Variants in MTMR14 observed in about 807,000 individuals in gnomAD.
MTMR14 encodes phosphatidylinositol-3,5-bisphosphate 3-phosphatase MTMR14.
MTMR14 carries 48 observed loss-of-function variants against 86.3 expected under a neutral mutation model. The observed-to-expected ratio is 0.56, with a 90% CI of 0.44 to 0.71. The LOEUF (loss-of-function observed/expected upper bound fraction) is 0.71, where lower values mean the gene tolerates loss of function less well. Ranked by LOEUF, MTMR14 falls within the 30% of genes least tolerant of loss-of-function variation. The pLI is 0.00. For synonymous variants in MTMR14, 366 were observed against 326.1 expected (o/e 1.12, Z -1.32); for missense variants, 780 against 834.6 (o/e 0.93, Z 0.81).
intron 9 of MTMR14, among the ~76,000 whole-genome samples, chr3:9,681,594 A>C (rs1378280848): frequency 2.0e-5 from 3 of 152,194 alleles, no homozygotes; most frequent in Non-Finnish European, 2.9e-5. Context: ...ATAGAAACAT[A>C]AGCAGAGGCA....
intron 7 of MTMR14, chr3:9,675,375 T>G: frequency 3.9e-6 from 1 of 254,202 alleles, no homozygotes; most frequent in Non-Finnish European, 8.0e-6. Flanking sequence ...AAATTACTAT[T>G]ACCCAAACCA....
At chr3:9,663,501 CTTTTTTTTTTTTTTTT>C (rs4021721) in intron 3 of MTMR14, among the ~76,000 whole-genome samples, 1 of 69,964 alleles carries the variant, frequency 1.4e-5, no homozygotes, top group East Asian at 5.1e-4. Context: ...GAGTCTCTCT[CTTTTTTTTTTTTTTTT>C]TTTTTTTTTT....
chr3:9,659,731 T>G (rs1278380746), intron 2 of MTMR14: 1 of 456,208 alleles, frequency 2.2e-6, no homozygotes, highest in Admixed American at 2.3e-5. Context: ...CATGAGCCAC[T>G]GTGCCTGGCC....
intron 18 of MTMR14, chr3:9,700,021 A>C (rs1430464366): frequency 6.6e-6 from 1 of 152,212 alleles, no homozygotes; most frequent in Admixed American, 6.5e-5. Flanking sequence ...TGCAGGAGTG[A>C]TTTGACTTTT....
intron 2 of MTMR14, among the ~76,000 whole-genome samples, chr3:9,657,652 G>A (rs1269972365): frequency 1.3e-5 from 2 of 152,036 alleles, no homozygotes; most frequent in East Asian, 3.9e-4. Context: ...TCAGGTTCAA[G>A]TGATTCTCCT....
chr3:9,653,762 A>G lies in MTMR14; in HGVS notation c.301A>G (p.Lys101Glu). The G allele has an allele frequency of 1.9e-6, 3 of 1,614,038 alleles. No homozygotes were observed. The highest frequency in any genetic ancestry group is 1.7e-6 in the Non-Finnish European group (2 of 1,179,920). The change falls in exon 2 of 19, where the codon AAA (lysine) becomes GAA (glutamate). Residue 101 changes from lysine to glutamate, a missense_variant. Coordinates refer to ENST00000296003, the MANE Select transcript of MTMR14 (RefSeq NM_001077525.3). ...GGAGTATGAGAGTTCTGAGAAGGAGAAAGACACGTGAGCATCATGTGACCG... is the reference window on the plus strand; with the variant it reads ...GGAGTATGAGAGTTCTGAGAAGGAGGAAGACACGTGAGCATCATGTGACCG... ...FLEYESSEKE[K>E]DTFESTVQVS...
chr3:9,690,657 G>T (rs1448556092), intron 17 of MTMR14, among the ~76,000 whole-genome samples: 1 of 152,228 alleles, frequency 6.6e-6, no homozygotes, highest in Non-Finnish European at 1.5e-5. Context: ...GCTGAAGGGC[G>T]CTGCAGGAAT....
Position 9,684,573 on chromosome 3 carries a change from G to A in MTMR14, c.965-12G>A, listed in dbSNP as rs768546189. ...TCTCTCCTGGGCATCCTCTCCTGCGGTTCCTGAGTAGATGACAGCGGGCTG... is the reference window on the plus strand; with the variant it reads ...TCTCTCCTGGGCATCCTCTCCTGCGATTCCTGAGTAGATGACAGCGGGCTG... On this transcript the variant is annotated splice_polypyrimidine_tract_variant and intron_variant, in intron 10 of 18. Coordinates refer to ENST00000296003, the MANE Select transcript of MTMR14 (RefSeq NM_001077525.3). The A allele has an allele frequency of 5.0e-6, 8 of 1,613,982 alleles. No homozygotes were observed. In the African/African-American group the frequency reaches 6.7e-5, roughly 13 times the overall value.
At chr3:9,663,148 T>C (rs2048036129) in intron 3 of MTMR14, among the ~76,000 whole-genome samples, 1 of 151,944 alleles carries the variant, frequency 6.6e-6, no homozygotes, top group Admixed American at 6.6e-5. Flanking sequence ...GGTGCGAAAA[T>C]TGGTCCAAGA....
intron 5 of MTMR14, among the ~76,000 whole-genome samples, chr3:9,670,001 C>T (rs1186893904): frequency 6.6e-6 from 1 of 152,212 alleles, no homozygotes; most frequent in African/African-American, 2.4e-5. Flanking sequence ...GAGCTTGGTA[C>T]AGAACAGGAG....
In MTMR14 at chr3:9,680,737, T is replaced by G. The variant is rs559999125; in HGVS notation, c.898-2441T>G. Among the ~76,000 whole-genome samples the G allele has an allele frequency of 4.6e-5, 7 of 152,300 alleles. No individual in the cohort carries two copies. In the South Asian group the frequency reaches 1.5e-3, roughly 32 times the overall value. The stretch of plus-strand genomic sequence containing the variant: ...CTGTAGTGCCAGCTACTCGGGAGAC[T>G]GAGGCAGGAGAATGGCGTGAACCCG... On this transcript the variant is annotated intron_variant, in intron 9 of 18. Coordinates refer to ENST00000296003, the MANE Select transcript of MTMR14 (RefSeq NM_001077525.3).
At chr3:9,658,569 T>C (rs1246121518) in intron 2 of MTMR14, among the ~76,000 whole-genome samples, 1 of 152,324 alleles carries the variant, frequency 6.6e-6, no homozygotes, top group South Asian at 2.1e-4. Context: ...CCCTGCCGGA[T>C]AGTGGTTAAA....
At chr3:9,665,730 A>ATTTTT (rs759820447) in intron 3 of MTMR14, among the ~76,000 whole-genome samples, 1 of 139,526 alleles carries the variant, frequency 7.2e-6, no homozygotes. Flanking sequence ...TTTCATTTTA[A>ATTTTT]TTTTTTTTTT....
Position 9,662,328 on chromosome 3 carries a change from C to A in MTMR14, c.370C>A (p.Arg124=), listed in dbSNP as rs374276198. ...CCTCATCCACCGCAGCAAGATGGCC[C>A]GGTGCAGAGGACGGTTTGTCTGCCC... ...QDLIHRSKMA[R]CRGRFVCPVI... Residue 124 remains arginine, a synonymous_variant, in exon 3 of 19, where the codon CGG becomes AGG. Coordinates refer to ENST00000296003, the MANE Select transcript of MTMR14 (RefSeq NM_001077525.3). 51 of 1,613,426 alleles carry A rather than the reference C, an allele frequency of 3.2e-5. No homozygotes were observed. Among genetic ancestry groups the A allele is most frequent in the Non-Finnish European group, 4.1e-5 (48 of 1,179,930 alleles).
chr3:9,701,657 G>C lies in MTMR14; in HGVS notation c.1770-133G>C. ...GGGGCCTGAACCACAAGGATAGCAT[G>C]GCCGTAGGACAGACACTGGCCTTGT... On this transcript the variant is annotated intron_variant, in intron 18 of 18. Transcript: ENST00000296003. The surrounding 1 kb of genome is among the most constrained non-coding windows in gnomAD (Gnocchi z 4.2). 9.4e-7 allele frequency: 1 copy of C among 1,060,204 alleles called. No homozygotes were observed. Among genetic ancestry groups the C allele is most frequent in the South Asian group, 1.3e-5 (1 of 76,298 alleles). 65.7% of individuals were successfully genotyped at this position (1,060,204 alleles called of 1,614,324 possible). A position where few individuals can be genotyped will look rare whatever the true frequency, so the allele number is the denominator to read the frequency against.
chr3:9,688,760 TC>T lies in MTMR14; in HGVS notation c.1294+8del, dbSNP rs761182376. 5.0e-6 allele frequency: 8 copies of T among 1,613,738 alleles called. No individual in the cohort carries two copies. The highest frequency in any genetic ancestry group is 6.8e-6 in the Non-Finnish European group (8 of 1,179,984). ...GGAAGACATCTGCATGCTGAGTGAG[TC>T]CTGGGCCCCAACAGACTTCCCTTCC... On this transcript the variant is annotated splice_region_variant and intron_variant, in intron 15 of 18. Coordinates refer to ENST00000296003, the MANE Select transcript of MTMR14 (RefSeq NM_001077525.3).
chr3:9,674,020 AT>A (rs976887990), intron 7 of MTMR14, among the ~76,000 whole-genome samples: 1 of 152,118 alleles, frequency 6.6e-6, no homozygotes. Context: ...TGATGGGTGT[AT>A]CCTACCTAAG....
At chr3:9,657,967 C>A (rs970399648) in intron 2 of MTMR14, among the ~76,000 whole-genome samples, 1 of 152,216 alleles carries the variant, frequency 6.6e-6, no homozygotes, top group African/African-American at 2.4e-5. Context: ...CTGTACCTGT[C>A]TGCCTTATCT....
chr3:9,693,080 G>C (rs2076181729), intron 17 of MTMR14, among the ~76,000 whole-genome samples: 1 of 152,130 alleles, frequency 6.6e-6, no homozygotes, highest in Admixed American at 6.5e-5. Context: ...TTCTGTATCA[G>C]CCTTGTCAGA....
Sources: allele counts gnomAD v4.1 joint callset (sites outside exome capture counted in the v4.1 genomes callset), GRCh38; gene constraint gnomAD v4.1.1; non-coding constraint Gnocchi (gnomAD v3.1); transcripts MANE v1.5; gene names NCBI Gene and HGNC (gene_info 2026-07-23, HGNC 2026-07-21).